GPR158: variants seen among roughly 807,000 people sequenced by gnomAD.
GPR158 encodes the protein G protein-coupled receptor 158.
In GPR158, 30 loss-of-function variants were observed where a neutral mutation model predicts 78.2. The ratio of observed to expected loss-of-function variants is 0.38; its 90% confidence interval spans 0.29 to 0.52. The LOEUF is 0.52. Among genes scored for constraint, GPR158 ranks in the 20% least tolerant of loss-of-function variants. The pLI is 0.83. For synonymous variants in GPR158, 581 were observed against 591.1 expected (o/e 0.98, Z 0.25); for missense variants, 1,463 against 1,523.5 (o/e 0.96, Z 0.66).
intron 4 of GPR158, among the ~76,000 whole-genome samples, chr10:25,432,095 C>A (rs554987997): frequency 3.6e-4 from 55 of 152,156 alleles, no homozygotes; most frequent in African/African-American, 1.3e-3. Flanking sequence ...ACTAGTATAT[C>A]TTTATATAGT....
intron 3 of GPR158, among the ~76,000 whole-genome samples, chr10:25,397,235 T>A (rs1266512626): frequency 6.6e-6 from 1 of 152,224 alleles, no homozygotes; most frequent in Non-Finnish European, 1.5e-5. Context: ...GGTTATTTTA[T>A]TCCTACTCCA....
chr10:25,574,079 G>A (rs11014617), intron 7 of GPR158, among the ~76,000 whole-genome samples: 68,666 of 142,070 alleles, frequency 0.48, 16,395 homozygotes, highest in African/African-American at 0.56. Flanking sequence ...AGGTTAACCA[G>A]ATAGGAAAAA....
chr10:25,444,725 T>G (rs549272057), intron 4 of GPR158, among the ~76,000 whole-genome samples: 1 of 152,120 alleles, frequency 6.6e-6, no homozygotes, highest in Non-Finnish European at 1.5e-5. Context: ...TGTCACTACT[T>G]GCTTCTAATC....
intron 2 of GPR158, among the ~76,000 whole-genome samples, chr10:25,267,774 A>G (rs1468007329): frequency 1.3e-5 from 2 of 152,134 alleles, no homozygotes; most frequent in African/African-American, 4.8e-5. Context: ...TATTTTTTAC[A>G]TATTTAATGA....
At chr10:25,207,020 T>C (rs1012384692) in intron 1 of GPR158, among the ~76,000 whole-genome samples, 3 of 152,026 alleles carry the variant, frequency 2.0e-5, no homozygotes, top group Admixed American at 2.0e-4. Flanking sequence ...GAGCCCATAA[T>C]GGATACTTGC....
At chr10:25,473,533 C>T (rs1428873626) in intron 5 of GPR158, among the ~76,000 whole-genome samples, 1 of 152,092 alleles carries the variant, frequency 6.6e-6, no homozygotes, top group African/African-American at 2.4e-5. Flanking sequence ...AGGAATGGTC[C>T]CAGCTCCTCC....
intron 6 of GPR158, among the ~76,000 whole-genome samples, chr10:25,571,377 G>T (rs1355673414): frequency 3.3e-5 from 5 of 152,146 alleles, no homozygotes; most frequent in African/African-American, 1.2e-4. Context: ...ATTGCCAAAG[G>T]TCTATATATG....
intron 2 of GPR158, among the ~76,000 whole-genome samples, chr10:25,322,104 C>T (rs959482207): frequency 6.6e-6 from 1 of 152,078 alleles, no homozygotes; most frequent in Admixed American, 6.5e-5. Context: ...CAGATACGGC[C>T]AGGCGCGGTG....
intron 2 of GPR158, among the ~76,000 whole-genome samples, chr10:25,285,866 C>A (rs1027475118): frequency 6.6e-6 from 1 of 152,182 alleles, no homozygotes; most frequent in Admixed American, 6.5e-5. Context: ...GTCTTAGATT[C>A]TCCTTTAATC....
intron 3 of GPR158, among the ~76,000 whole-genome samples, chr10:25,404,600 TG>T (rs2130539685): frequency 6.6e-6 from 1 of 152,192 alleles, no homozygotes; most frequent in African/African-American, 2.4e-5. Context: ...GATAATAAAG[TG>T]TATAGGCTTT....
chr10:25,322,305 C>T (rs573479795), intron 2 of GPR158, among the ~76,000 whole-genome samples: 80 of 151,528 alleles, frequency 5.3e-4, no homozygotes, highest in African/African-American at 1.7e-3. Flanking sequence ...GGCGTGAACC[C>T]GGGAGGCGGA....
chr10:25,506,185 A>G (rs1836010832), intron 5 of GPR158, among the ~76,000 whole-genome samples: 1 of 152,258 alleles, frequency 6.6e-6, no homozygotes, highest in Non-Finnish European at 1.5e-5. Flanking sequence ...CATGACTTCT[A>G]TGCTTCTAAA....
At chr10:25,410,235 T>G (rs1193084554) in intron 3 of GPR158, among the ~76,000 whole-genome samples, 5 of 152,162 alleles carry the variant, frequency 3.3e-5, no homozygotes, top group African/African-American at 1.2e-4. Flanking sequence ...GAGGAATATC[T>G]TTAAGGCACC....
intron 2 of GPR158, among the ~76,000 whole-genome samples, chr10:25,392,640 T>C (rs1294655169): frequency 1.3e-5 from 2 of 152,150 alleles, no homozygotes; most frequent in African/African-American, 2.4e-5. Flanking sequence ...AACTAAACAT[T>C]AGTTGAGCAT....
intron 2 of GPR158, among the ~76,000 whole-genome samples, chr10:25,277,482 G>C (rs1174345189): frequency 2.6e-5 from 4 of 151,990 alleles, no homozygotes; most frequent in African/African-American, 7.2e-5. Flanking sequence ...GAGAGAGAGA[G>C]AGAGAGAGAG....
intron 2 of GPR158, among the ~76,000 whole-genome samples, chr10:25,342,655 A>G (rs1375969678): frequency 3.3e-5 from 5 of 151,614 alleles, no homozygotes; most frequent in African/African-American, 1.2e-4. Flanking sequence ...TCAGACAATT[A>G]TTTTCATTGT....
At chr10:25,411,396 C>T (rs926736932) in intron 3 of GPR158, among the ~76,000 whole-genome samples, 2 of 152,070 alleles carry the variant, frequency 1.3e-5, no homozygotes, top group African/African-American at 4.8e-5. Flanking sequence ...AATTAAATAC[C>T]ATTTTACCTA....
rs186870778 is a variant in GPR158 at position 25,228,896 on chromosome 10, G to T, written c.1008+7739G>T. On this transcript the variant is annotated intron_variant, in intron 2 of 10. Transcript: ENST00000376351. ...AAAAAATACAAAAAATTATTCGGTT[G>T]TGGTGGCAGGTGCCTAAAATCCCAG... 2.6e-5 allele frequency among the ~76,000 whole-genome samples: 4 copies of T among 152,142 alleles called. No individual in the cohort carries two copies. In the East Asian group the frequency reaches 7.7e-4, roughly 29 times the overall value.
chr10:25,186,871 G>T (rs74501169), intron 1 of GPR158, among the ~76,000 whole-genome samples: 1 of 151,366 alleles, frequency 6.6e-6, no homozygotes, highest in African/African-American at 2.4e-5. Context: ...TAACTCATTT[G>T]ATGAGGCCAG....
Sources: gnomAD v4.1 joint callset for allele counts (sites outside exome capture counted in the v4.1 genomes callset) on GRCh38, gnomAD v4.1.1 for gene constraint, MANE v1.5 for transcripts, NCBI Gene and HGNC (gene_info 2026-07-23, HGNC 2026-07-21) for gene names.